ACAP2: variants seen among roughly 807,000 people sequenced by gnomAD.
ACAP2 encodes the protein ArfGAP with coiled-coil, ankyrin repeat and PH domains 2, also known as arf-GAP with coiled-coil, ANK repeat and PH domain-containing protein 2.
Under a neutral mutation model 115.8 loss-of-function variants are expected in ACAP2, and 39 were observed. The observed-to-expected ratio is 0.34, with a 90% CI of 0.26 to 0.44. The LOEUF (loss-of-function observed/expected upper bound fraction) is 0.44, where lower values mean the gene tolerates loss of function less well. ACAP2 is among the 20% of genes least tolerant of loss of function. The probability of loss-of-function intolerance (pLI) is 1.00; values close to 1 mark genes in which losing one functional copy is unlikely to be tolerated. For synonymous variants in ACAP2, 289 were observed against 315.8 expected (o/e 0.92, Z 0.90); for missense variants, 662 against 927.6 (o/e 0.71, Z 3.72).
intron 17 of ACAP2, 58 bp downstream of exon 17, chr3:195,295,650 T>C: frequency 6.3e-7 from 1 of 1,584,442 alleles, no homozygotes; most frequent in Non-Finnish European, 8.6e-7. Flanking sequence ...TCAGGGATTA[T>C]AAAAGTGATT....
At chr3:195,313,068 C>T (rs911348814) in intron 10 of ACAP2, 27 of 152,104 alleles carry the variant, frequency 1.8e-4, no homozygotes, top group Admixed American at 5.9e-4. Context: ...TAGCATGATA[C>T]GAAAATAAAG....
intron 4 of ACAP2, among the ~76,000 whole-genome samples, chr3:195,356,889 C>T (rs1732008368): frequency 6.6e-6 from 1 of 151,662 alleles, no homozygotes; most frequent in Non-Finnish European, 1.5e-5. Context: ...AGGTGTGACC[C>T]GGCATATTCA....
At chr3:195,347,369 G>C (rs1431098853) in intron 4 of ACAP2, among the ~76,000 whole-genome samples, 1 of 152,092 alleles carries the variant, frequency 6.6e-6, no homozygotes, top group African/African-American at 2.4e-5. Flanking sequence ...GTATTAAAAA[G>C]AGAGAACTAC....
chr3:195,375,893 G>A (rs1293791448), intron 4 of ACAP2, among the ~76,000 whole-genome samples: 1 of 152,140 alleles, frequency 6.6e-6, no homozygotes. Context: ...ATTCAGCAAA[G>A]ATAATAATCA....
At chr3:195,302,375 G>GA (rs2108966596) in intron 13 of ACAP2, among the ~76,000 whole-genome samples, 1 of 152,220 alleles carries the variant, frequency 6.6e-6, no homozygotes, top group South Asian at 2.1e-4. Context: ...CCAGTGGGGA[G>GA]AAACGTGTAA....
At chr3:195,365,092 T>C (rs570291621) in intron 4 of ACAP2, among the ~76,000 whole-genome samples, 1 of 152,186 alleles carries the variant, frequency 6.6e-6, no homozygotes, top group South Asian at 2.1e-4. Context: ...ATTGAACTCA[T>C]AGAGAGTAGA....
intron 6 of ACAP2, among the ~76,000 whole-genome samples, chr3:195,338,035 G>C (rs1440006622): frequency 6.6e-6 from 1 of 150,432 alleles, no homozygotes; most frequent in East Asian, 2.0e-4. Context: ...CGCCCAGATG[G>C]GTATCAGGCT....
At chr3:195,303,515 A>G (rs1332975742) in intron 13 of ACAP2, among the ~76,000 whole-genome samples, 2 of 151,988 alleles carry the variant, frequency 1.3e-5, no homozygotes, top group African/African-American at 4.8e-5. Flanking sequence ...TAAACCCAGG[A>G]GGCAGAGGTT....
At chr3:195,360,986 A>G (rs74698372) in intron 4 of ACAP2, among the ~76,000 whole-genome samples, 2,860 of 42,440 alleles carry the variant, frequency 0.067, 87 homozygotes, top group East Asian at 0.46. Flanking sequence ...AAGAAACTCA[A>G]AAAAAAAAAA....
chr3:195,290,813 AAAATAAAT>A (rs34104661), intron 20 of ACAP2, among the ~76,000 whole-genome samples: 1,756 of 138,392 alleles, frequency 0.013, 28 homozygotes, highest in African/African-American at 0.044. Context: ...ACTTTATCTC[AAAATAAAT>A]AAATAAATAA....
chr3:195,330,195 C>T (rs1027923677), intron 8 of ACAP2, among the ~76,000 whole-genome samples: 3 of 152,198 alleles, frequency 2.0e-5, no homozygotes, highest in Non-Finnish European at 4.4e-5. Context: ...TCGTCACGCC[C>T]TTCCACCCTC....
intron 2 of ACAP2, among the ~76,000 whole-genome samples, chr3:195,382,523 C>A (rs1236980084): frequency 6.6e-6 from 1 of 151,962 alleles, no homozygotes; most frequent in Non-Finnish European, 1.5e-5. Flanking sequence ...TCTTCCATTC[C>A]TTCCTTCCTT....
intron 4 of ACAP2, among the ~76,000 whole-genome samples, chr3:195,356,590 G>A (rs954621169): frequency 6.6e-5 from 10 of 152,106 alleles, no homozygotes; most frequent in African/African-American, 1.9e-4. Flanking sequence ...TTCTCCTTGA[G>A]AAGAGGAGAG....
chr3:195,281,943 G>A (rs558532676), intron 22 of ACAP2, among the ~76,000 whole-genome samples: 1 of 152,278 alleles, frequency 6.6e-6, no homozygotes, highest in Non-Finnish European at 1.5e-5. Flanking sequence ...AAAGTGCAGA[G>A]TATAATACAA....
intron 4 of ACAP2, among the ~76,000 whole-genome samples, chr3:195,345,890 T>A (rs886850520): frequency 6.6e-6 from 1 of 152,222 alleles, no homozygotes; most frequent in Non-Finnish European, 1.5e-5. Context: ...ACTTAAATGA[T>A]GCCATATATT....
intron 6 of ACAP2, among the ~76,000 whole-genome samples, chr3:195,338,624 T>C (rs1401722609): frequency 6.6e-6 from 1 of 152,162 alleles, no homozygotes; most frequent in Admixed American, 6.5e-5. Flanking sequence ...CCCGGCCAGA[T>C]TTTAAGTAAA....
rs766703087 is a variant in ACAP2 at position 195,389,793 on chromosome 3, A to T, written c.111+2297T>A. ...AATTAAAATATTAATTTTTACAAAG[A>T]CTTGCTGGAAGCCAGCTAGCGTTCC... On this transcript the variant is annotated intron_variant, in intron 2 of 22. Coordinates refer to ENST00000326793, the MANE Select transcript of ACAP2 (RefSeq NM_012287.6). Among the ~76,000 whole-genome samples, 4 of 152,234 alleles carry T rather than the reference A, an allele frequency of 2.6e-5. No individual in the cohort carries two copies. In the East Asian group the frequency reaches 5.8e-4, roughly 22 times the overall value.
At chr3:195,325,445 T>C in intron 9 of ACAP2, 1 of 427,186 alleles carries the variant, frequency 2.3e-6, no homozygotes, top group South Asian at 1.7e-5. Flanking sequence ...TTTTTTTACC[T>C]GTAACGCAGC....
intron 1 of ACAP2, among the ~76,000 whole-genome samples, chr3:195,435,518 GC>G (rs1715469160): frequency 6.6e-6 from 1 of 151,784 alleles, no homozygotes; most frequent in Non-Finnish European, 1.5e-5. Flanking sequence ...TCTAAGCAGT[GC>G]TTTAGCTGCA....
Sources: gnomAD v4.1 joint callset for allele counts (sites outside exome capture counted in the v4.1 genomes callset) on GRCh38, gnomAD v4.1.1 for gene constraint, MANE v1.5 for transcripts, NCBI Gene and HGNC (gene_info 2026-07-23, HGNC 2026-07-21) for gene names.